TPD52L1: variants seen among roughly 807,000 people sequenced by gnomAD.
The protein encoded by TPD52L1 is tumor protein D53.
In TPD52L1, 18 loss-of-function variants were observed where a neutral mutation model predicts 28.7. The ratio of observed to expected loss-of-function variants is 0.63; its 90% CI spans 0.43 to 0.93. The LOEUF (loss-of-function observed/expected upper bound fraction) is 0.93. Among genes scored for constraint, TPD52L1 ranks in the 40% least tolerant of loss-of-function variants. The pLI, the probability that TPD52L1 is intolerant of heterozygous loss-of-function variation, is 0.00. For synonymous variants in TPD52L1, 75 were observed against 88.8 expected, an observed-to-expected ratio of 0.84 and a Z score of 0.88; for missense variants, 203 against 254.8, an observed-to-expected ratio of 0.80 and a Z score of 1.39.
At chr6:125,218,712 C>T (rs1795039805) in intron 1 of TPD52L1, among the ~76,000 whole-genome samples, 1 of 152,098 alleles carries the variant, frequency 6.6e-6, no homozygotes, top group African/African-American at 2.4e-5. Flanking sequence ...ATAGTTTTGT[C>T]CCTGTGAATG....
intron 1 of TPD52L1, among the ~76,000 whole-genome samples, chr6:125,200,172 G>T (rs992628864): frequency 1.3e-5 from 2 of 152,138 alleles, no homozygotes; most frequent in African/African-American, 4.8e-5. Flanking sequence ...GCCTCTTCCT[G>T]CTTTTATGTT....
intron 1 of TPD52L1, chr6:125,219,860 C>T (rs1288978440): frequency 3.6e-6 from 2 of 554,192 alleles, no homozygotes; most frequent in East Asian, 3.4e-5. Context: ...TCTGCCTTCT[C>T]ATTTTCTCTT....
intron 1 of TPD52L1, among the ~76,000 whole-genome samples, chr6:125,188,953 G>C (rs1225953595): frequency 6.6e-6 from 1 of 152,178 alleles, no homozygotes; most frequent in Non-Finnish European, 1.5e-5. Flanking sequence ...AGTTTACCTT[G>C]GGCCAAAGCC....
chr6:125,255,819 G>T (rs1797563437), intron 5 of TPD52L1, among the ~76,000 whole-genome samples: 1 of 151,694 alleles, frequency 6.6e-6, no homozygotes, highest in Non-Finnish European at 1.5e-5. Flanking sequence ...TGAAAATGAT[G>T]GCAGTTGTTG....
intron 1 of TPD52L1, among the ~76,000 whole-genome samples, chr6:125,184,677 T>C (rs577097018): frequency 1.3e-5 from 2 of 152,208 alleles, no homozygotes; most frequent in Non-Finnish European, 2.9e-5. Flanking sequence ...TTTAATACAA[T>C]TATTTGTGAA....
At chr6:125,228,968 A>G in intron 2 of TPD52L1, 150 bp from the exon 3 acceptor site, 1 of 563,504 alleles carries the variant, frequency 1.8e-6, no homozygotes, top group Non-Finnish European at 3.0e-6. Flanking sequence ...ATATTAGACT[A>G]TCATCTGTAT....
At chr6:125,166,236 T>C (rs1054624254) in intron 1 of TPD52L1, among the ~76,000 whole-genome samples, 1 of 152,242 alleles carries the variant, frequency 6.6e-6, no homozygotes, top group Non-Finnish European at 1.5e-5. Flanking sequence ...GATGGTTGGA[T>C]ATTTGTAGTT....
chr6:125,260,960 GAAAGAAAGAAAGAAAGAAAAGAA>G lies in TPD52L1; in HGVS notation c.487-1871_487-1849del, dbSNP rs1562409348. The G allele has an allele frequency of 2.3e-4, 10 of 43,508 alleles. 1 individual carries two copies. The highest frequency in any genetic ancestry group is 9.0e-4 in the African/African-American group (4 of 4,420). The allele number at this position is 43,508 out of a possible 1,614,324, so 2.7% of individuals were successfully genotyped here. A position where few individuals can be genotyped will look rare whatever the true frequency, so the allele number is the denominator to read the frequency against. On this transcript the variant is annotated intron_variant, in intron 6 of 6. Coordinates refer to ENST00000534000, the MANE Select transcript of TPD52L1 (RefSeq NM_003287.4). ...AGAAAGAAAGAAAGAAAGAAAGAAA[GAAAGAAAGAAAGAAAGAAAAGAA>G]AAGAAAGAAAGAAAGAAAGAAAGAA...
At chr6:125,262,790 G>T in intron 6 of TPD52L1, 44 bp from the exon 7 acceptor site, 2 of 1,559,754 alleles carry the variant, frequency 1.3e-6, no homozygotes, top group South Asian at 1.2e-5. Context: ...TTACAAAAAT[G>T]ATAGTAACAA....
At chr6:125,254,022 C>T in intron 5 of TPD52L1, 1 of 633,340 alleles carries the variant, frequency 1.6e-6, no homozygotes, top group Non-Finnish European at 2.9e-6. Context: ...AGAAATAAGA[C>T]CTACTTCATA....
chr6:125,177,022 A>C (rs1791864261), intron 1 of TPD52L1, among the ~76,000 whole-genome samples: 1 of 152,204 alleles, frequency 6.6e-6, no homozygotes, highest in African/African-American at 2.4e-5. Context: ...TGGGAGACAG[A>C]GCCAGACCTT....
intron 1 of TPD52L1, among the ~76,000 whole-genome samples, chr6:125,172,526 A>ATATATATATAT (rs1791502035): frequency 1.3e-5 from 1 of 74,166 alleles, no homozygotes. Flanking sequence ...ATATATATAT[A>ATATATATATAT]TATATATATA....
At chr6:125,228,957 GAT>G in intron 2 of TPD52L1, 159 bp from the exon 3 acceptor site, 1 of 494,396 alleles carries the variant, frequency 2.0e-6, no homozygotes, top group Non-Finnish European at 3.5e-6. Flanking sequence ...TCTACTTTGA[GAT>G]ATTAGACTAT....
rs529542314 is a variant in TPD52L1 at position 125,236,308 on chromosome 6, G to A, written c.284+7042G>A. On this transcript the variant is annotated intron_variant, in intron 3 of 6. Coordinates refer to ENST00000534000, the MANE Select transcript of TPD52L1 (RefSeq NM_003287.4). ...AAATAGACTTGCATTTTTCATGGTG[G>A]GGACATAAATAATATTAATACCACA... 2.0e-5 allele frequency among the ~76,000 whole-genome samples: 3 copies of A among 152,066 alleles called. No individual in the cohort carries two copies. In the South Asian group the frequency reaches 6.3e-4, roughly 32 times the overall value.
At chr6:125,260,987 AAAGAAAGAAAG>A (rs1797969621) in intron 6 of TPD52L1, 1 of 33,850 alleles carries the variant, frequency 3.0e-5, no homozygotes, top group African/African-American at 2.1e-4. Context: ...AAAAGAAAAG[AAAGAAAGAAAG>A]AAAGAAAGAA....
chr6:125,254,892 T>C (rs1013305497), intron 5 of TPD52L1, among the ~76,000 whole-genome samples: 4 of 152,210 alleles, frequency 2.6e-5, no homozygotes, highest in African/African-American at 7.2e-5. Context: ...TCTGTTCTAT[T>C]ATATTTTATG....
intron 1 of TPD52L1, among the ~76,000 whole-genome samples, chr6:125,181,965 A>G (rs3807001): frequency 0.18 from 26,778 of 152,130 alleles, 2,529 homozygotes; most frequent in East Asian, 0.36. Context: ...CACTCCCCAG[A>G]TGGCCCTGGT....
intron 5 of TPD52L1, 129 bp downstream of exon 5, chr6:125,253,884 A>G: frequency 1.1e-6 from 1 of 921,340 alleles, no homozygotes. Context: ...TCAAAAGAAA[A>G]GGCTGACAAT....
chr6:125,192,197 T>C (rs903300490), intron 1 of TPD52L1, among the ~76,000 whole-genome samples: 1 of 152,216 alleles, frequency 6.6e-6, no homozygotes, highest in Admixed American at 6.5e-5. Context: ...ACTGTAGGTT[T>C]ATGATTGTCA....
Sources: gnomAD v4.1 joint callset for allele counts (sites outside exome capture counted in the v4.1 genomes callset) on GRCh38, gnomAD v4.1.1 for gene constraint, MANE v1.5 for transcripts, NCBI Gene and HGNC (gene_info 2026-07-23, HGNC 2026-07-21) for gene names.